PTPRC: variants seen among roughly 807,000 people sequenced by gnomAD.
The protein encoded by PTPRC is receptor-type tyrosine-protein phosphatase C.
PTPRC carries 44 observed loss-of-function variants against 155.9 expected under a neutral mutation model. That is an observed-to-expected ratio of 0.28 (90% confidence interval 0.22 to 0.36). PTPRC has a LOEUF of 0.36. PTPRC is among the 10% of genes least tolerant of loss of function. PTPRC has a pLI of 1.00. For synonymous variants in PTPRC, 525 were observed against 533.1 expected (o/e 0.98, Z 0.21); for missense variants, 1,401 against 1,564.6 (o/e 0.90, Z 1.76).
At chr1:198,713,988 G>A (rs1653440217) in intron 12 of PTPRC, among the ~76,000 whole-genome samples, 1 of 152,026 alleles carries the variant, frequency 6.6e-6, no homozygotes. Flanking sequence ...AGTTAAATAT[G>A]CATGTAGTTT....
intron 2 of PTPRC, among the ~76,000 whole-genome samples, chr1:198,682,700 C>A (rs1344653722): frequency 6.6e-6 from 1 of 151,914 alleles, no homozygotes; most frequent in Non-Finnish European, 1.5e-5. Flanking sequence ...ATAATCATAA[C>A]TTTTTTTTGC....
At chr1:198,729,091 T>A in intron 16 of PTPRC, 46 bp from the exon 17 acceptor site, 1 of 1,595,126 alleles carries the variant, frequency 6.3e-7, no homozygotes, top group Non-Finnish European at 8.6e-7. Flanking sequence ...CAATTGAATT[T>A]TGTGCTTCTT....
intron 12 of PTPRC, among the ~76,000 whole-genome samples, chr1:198,715,634 A>C (rs1653549042): frequency 1.3e-5 from 2 of 150,440 alleles, no homozygotes; most frequent in Admixed American, 1.3e-4. Flanking sequence ...AATGCCTTTT[A>C]TTTTTTTAAG....
intron 3 of PTPRC, chr1:198,694,147 C>A (rs769678692): frequency 4.6e-6 from 7 of 1,522,836 alleles, no homozygotes; most frequent in Non-Finnish European, 6.2e-6. Flanking sequence ...TGGAGTAAGT[C>A]CAAGAGTCCA....
Position 198,752,634 on chromosome 1 carries a change from A to G in PTPRC, c.3371A>G (p.Asn1124Ser). 1 of 1,612,814 alleles carries G rather than the reference A, an allele frequency of 6.2e-7. No homozygotes were observed. The highest frequency in any genetic ancestry group is 8.5e-7 in the Non-Finnish European group (1 of 1,179,344). ...ACTGTGTACCAGTACCAATATACAA[A>G]CTGGAGTGTGGAGCAGCTTCCTGCA... ...SRTVYQYQYT[N>S]WSVEQLPAEP... Residue 1124 changes from asparagine to serine, a missense_variant, in exon 31 of 33, where the codon AAC (asparagine) becomes AGC (serine). Around this residue, in one of 3 missense-constraint regions of PTPRC, gnomAD observed 400 missense variants for 389.5 expected, o/e 1.03. Transcript: ENST00000442510.
chr1:198,730,552 A>G (rs533607958), intron 17 of PTPRC, among the ~76,000 whole-genome samples: 1 of 152,242 alleles, frequency 6.6e-6, no homozygotes, highest in African/African-American at 2.4e-5. Context: ...CTGAGGGAGG[A>G]ATGAAGAGTA....
At chr1:198,652,573 T>G (rs532699689) in intron 2 of PTPRC, among the ~76,000 whole-genome samples, 37 of 151,688 alleles carry the variant, frequency 2.4e-4, no homozygotes, top group African/African-American at 8.9e-4. Context: ...TTACCCTTTT[T>G]TTTTTTTGGT....
intron 2 of PTPRC, among the ~76,000 whole-genome samples, chr1:198,648,936 T>A (rs1225746072): frequency 6.6e-6 from 1 of 151,730 alleles, no homozygotes; most frequent in East Asian, 1.9e-4. Flanking sequence ...GTTTTTGAAG[T>A]GCAAGGGAAG....
chr1:198,752,230 A>C lies in PTPRC; in HGVS notation c.3208-19A>C. 1 of 1,608,152 alleles carries C rather than the reference A, an allele frequency of 6.2e-7. No individual in the cohort carries two copies. The highest frequency in any genetic ancestry group is 1.3e-5 in the African/African-American group (1 of 74,838). On this transcript the variant is annotated intron_variant, in intron 29 of 32. Coordinates refer to ENST00000442510, the MANE Select transcript of PTPRC (RefSeq NM_002838.5). ...TTTCAAATAGGAAACAAATTGTTGAATTGTCTTCTTTTATCTAGGAAATCT... is the reference window on the plus strand; with the variant it reads ...TTTCAAATAGGAAACAAATTGTTGACTTGTCTTCTTTTATCTAGGAAATCT...
At position 198,662,646 on chromosome 1, in the gene PTPRC, C is replaced by T. The variant is rs182209291; in HGVS notation, c.73+23305C>T. On this transcript the variant is annotated intron_variant, in intron 2 of 32. Transcript: ENST00000442510. ...AAAAGTAATTAGGAATATTGAAAAA[C>T]CTAAAATGTAGTTCTCTCCATATTC... Among the ~76,000 whole-genome samples, 179 of 152,066 alleles carry T rather than the reference C, an allele frequency of 1.2e-3. 1 individual carries two copies. Among genetic ancestry groups the T allele is most frequent in the Non-Finnish European group, 1.9e-3 (132 of 67,986 alleles).
At chr1:198,641,604 T>A (rs940512284) in intron 2 of PTPRC, among the ~76,000 whole-genome samples, 1 of 152,048 alleles carries the variant, frequency 6.6e-6, no homozygotes, top group Non-Finnish European at 1.5e-5. Context: ...CCTCTTGCTC[T>A]GTGCCTCTTT....
intron 2 of PTPRC, among the ~76,000 whole-genome samples, chr1:198,674,494 T>C (rs1408926402): frequency 6.7e-6 from 1 of 148,644 alleles, no homozygotes; most frequent in African/African-American, 2.4e-5. Context: ...GACTGTACAA[T>C]AATAACATAT....
At chr1:198,649,552 G>T (rs1444361744) in intron 2 of PTPRC, among the ~76,000 whole-genome samples, 1 of 151,844 alleles carries the variant, frequency 6.6e-6, no homozygotes, top group African/African-American at 2.4e-5. Context: ...AGTACTTAAA[G>T]AAGTCAGTCT....
At chr1:198,742,410 G>A in intron 25 of PTPRC, 43 bp downstream of exon 25, 1 of 1,605,402 alleles carries the variant, frequency 6.2e-7, no homozygotes, top group Non-Finnish European at 8.5e-7. Flanking sequence ...TTGGTTTTTT[G>A]GACTTAAATC....
intron 26 of PTPRC, among the ~76,000 whole-genome samples, chr1:198,746,729 T>G (rs1003758275): frequency 6.6e-6 from 1 of 151,774 alleles, no homozygotes; most frequent in African/African-American, 2.4e-5. Flanking sequence ...GTGTCTTAGA[T>G]GAAGGTGAGC....
intron 7 of PTPRC, 123 bp downstream of exon 7, chr1:198,703,495 C>G: frequency 6.7e-7 from 1 of 1,482,562 alleles, no homozygotes; most frequent in Non-Finnish European, 9.3e-7. Flanking sequence ...GTGTTTGAAT[C>G]CTGAGGGTGA....
At position 198,713,605 on chromosome 1, in the gene PTPRC, AAAG is replaced by A. The variant is rs906983826; in HGVS notation, c.1291+542_1291+544del. Reference sequence around the variant, plus strand: ...GCAGAAGTAATGCAATTAAAAAAAAAAAGAAGAAGAAAGAAATGTGCTATGACT... The same window carrying A: ...GCAGAAGTAATGCAATTAAAAAAAAAAAGAAGAAAGAAATGTGCTATGACT... On this transcript the variant is annotated intron_variant, in intron 12 of 32. Transcript: ENST00000442510. Among the ~76,000 whole-genome samples the A allele has an allele frequency of 1.2e-4, 18 of 152,166 alleles. No homozygotes were observed. In the East Asian group the frequency reaches 2.5e-3, roughly 21 times the overall value.
rs1402868557 is a variant in PTPRC, at chr1:198,696,857, C to T, written c.246C>T (p.Ser82=). The change falls in exon 4 of 33, where the codon TCC becomes TCT. Residue 82 remains serine, a synonymous_variant. Transcript: ENST00000442510. Reference sequence around the variant, plus strand: ...CTTCTCTTAGTCCAGACAATACTTCCACCCAAGTATCCCCGGACTCTTTGG... The same window carrying T: ...CTTCTCTTAGTCCAGACAATACTTCTACCCAAGTATCCCCGGACTCTTTGG... ...TTTSLSPDNT[S]TQVSPDSLDN... The T allele has an allele frequency of 6.2e-7, 1 of 1,613,960 alleles. No individual in the cohort carries two copies. The highest frequency in any genetic ancestry group is 1.3e-5 in the African/African-American group (1 of 74,910).
At chr1:198,642,394 A>ATCTATCTATCTATCTG (rs1198678982) in intron 2 of PTPRC, among the ~76,000 whole-genome samples, 1 of 151,532 alleles carries the variant, frequency 6.6e-6, no homozygotes, top group Non-Finnish European at 1.5e-5. Flanking sequence ...CTATCTATCT[A>ATCTATCTATCTATCTG]TCTATCAGTT....
Sources: allele counts gnomAD v4.1 joint callset (sites outside exome capture counted in the v4.1 genomes callset), GRCh38; gene constraint gnomAD v4.1.1; regional missense constraint gnomAD v4.1.1; transcripts MANE v1.5; gene names NCBI Gene and HGNC (gene_info 2026-07-23, HGNC 2026-07-21).